The following ADGRB1 variants were observed in gnomAD, a reference collection of about 807,000 sequenced individuals.
ADGRB1 encodes the protein adhesion G protein-coupled receptor B1.
In ADGRB1, 36 loss-of-function variants were observed where a neutral mutation model predicts 175.7. The observed-to-expected ratio is 0.20, with a 90% CI of 0.16 to 0.27. ADGRB1 has a LOEUF of 0.27. Among genes scored for constraint, ADGRB1 ranks in the 10% least tolerant of loss-of-function variants. The pLI, the probability that ADGRB1 is intolerant of heterozygous loss-of-function variation, is 1.00. For missense variants in ADGRB1, 1,731 were observed against 2,255.3 expected (o/e 0.77, Z 4.71); for synonymous variants, 1,054 against 979.4 (o/e 1.08, Z -1.42).
intron 17 of ADGRB1, among the ~76,000 whole-genome samples, chr8:142,499,864 A>G (rs1375908224): frequency 3.9e-5 from 6 of 152,184 alleles, no homozygotes; most frequent in Non-Finnish European, 8.8e-5. Flanking sequence ...AGAGCCAGAC[A>G]GGCCCAGACC....
intron 23 of ADGRB1, among the ~76,000 whole-genome samples, chr8:142,525,728 A>T (rs1486332809): frequency 2.6e-5 from 4 of 152,174 alleles, no homozygotes; most frequent in Admixed American, 6.5e-5. Flanking sequence ...TCAGGGGTCC[A>T]TGGAGTCCTG....
rs760241536 is a variant in ADGRB1, at chr8:142,481,262, C to T, written c.1837C>T (p.Leu613=). Residue 613 remains leucine, a synonymous_variant, in exon 10 of 31, where the codon CTG becomes TTG. Coordinates refer to ENST00000517894, the MANE Select transcript of ADGRB1 (RefSeq NM_001702.3). ...GGGGATGGTCTCCCCAGGACTCATC[C>T]TGCGACGGTGTGAGCTGGACGAGGA... The part of the protein sequence containing the change: ...RCPRNATGLI[L]RRCELDEEGI... The T allele has an allele frequency of 5.0e-6, 8 of 1,613,778 alleles. No homozygotes were observed. The highest frequency in any genetic ancestry group is 6.8e-6 in the Non-Finnish European group (8 of 1,179,852).
intron 1 of ADGRB1, among the ~76,000 whole-genome samples, chr8:142,451,144 C>T (rs1419852202): frequency 6.6e-6 from 1 of 152,120 alleles, no homozygotes; most frequent in African/African-American, 2.4e-5. Flanking sequence ...AGAGCTCCTC[C>T]GGCCTCGGGA....
intron 18 of ADGRB1, among the ~76,000 whole-genome samples, chr8:142,516,029 A>G (rs958378604): frequency 6.6e-6 from 1 of 152,224 alleles, no homozygotes; most frequent in African/African-American, 2.4e-5. Context: ...ACACGAAGAG[A>G]AGGCGACTCT....
intron 27 of ADGRB1, among the ~76,000 whole-genome samples, chr8:142,541,694 G>C (rs1845280898): frequency 6.6e-6 from 1 of 152,192 alleles, no homozygotes; most frequent in East Asian, 1.9e-4. Flanking sequence ...CTTGGGGCCA[G>C]TGGAGAGGGC....
intron 19 of ADGRB1, 82 bp downstream of exon 19, chr8:142,518,323 T>C: frequency 2.1e-6 from 3 of 1,453,240 alleles, no homozygotes; most frequent in Non-Finnish European, 2.9e-6. Flanking sequence ...ACGGGCGGGG[T>C]CGTGGGTGCC....
At chr8:142,529,944 CTG>C (rs1301888927) in intron 24 of ADGRB1, among the ~76,000 whole-genome samples, 2 of 131,950 alleles carry the variant, frequency 1.5e-5, no homozygotes, top group Admixed American at 7.7e-5. Context: ...GAGCGTGCAT[CTG>C]TGTGAGTGCA....
Position 142,493,973 on chromosome 8 carries a change from A to G in ADGRB1, c.2675+3158A>G, listed in dbSNP as rs1188682729. 6.6e-6 allele frequency among the ~76,000 whole-genome samples: 1 copy of G among 152,130 alleles called. No individual in the cohort carries two copies. The highest frequency in any genetic ancestry group is 1.5e-5 in the Non-Finnish European group (1 of 68,014). ...GCAGGGGCCCAGGTCTGTTTCCACC[A>G]GGGCACCAAGGGACCGGGTCCAAGC... On this transcript the variant is annotated intron_variant, in intron 17 of 30. Coordinates refer to ENST00000517894, the MANE Select transcript of ADGRB1 (RefSeq NM_001702.3). This position sits in a 1 kb window ranked among gnomAD's most constrained non-coding sequence, Gnocchi z 5.0.
In ADGRB1 at chr8:142,455,782, G is replaced by A. The variant is rs1203320408; in HGVS notation, c.-220+5678G>A. The stretch of plus-strand genomic sequence containing the variant: ...GATGGTGCTGGCTGGGCACTGGCCT[G>A]GGTGCAAGGCGGGGAAGGAGGCTTC... On this transcript the variant is annotated intron_variant, in intron 1 of 30. Transcript: ENST00000517894. The surrounding 1 kb of genome is among the most constrained non-coding windows in gnomAD (Gnocchi z 4.9). 6.6e-6 allele frequency among the ~76,000 whole-genome samples: 1 copy of A among 152,162 alleles called. No homozygotes were observed. The highest frequency in any genetic ancestry group is 1.5e-5 in the Non-Finnish European group (1 of 68,006).
In ADGRB1 at chr8:142,537,745, C is replaced by A. The variant is rs1004638204; in HGVS notation, c.3666+663C>A. On this transcript the variant is annotated intron_variant, in intron 26 of 30. Coordinates refer to ENST00000517894, the MANE Select transcript of ADGRB1 (RefSeq NM_001702.3). The surrounding 1 kb of genome is among the most constrained non-coding windows in gnomAD (Gnocchi z 4.6). The stretch of plus-strand genomic sequence containing the variant: ...TTTACAGCACAGCGTTCCCACGACA[C>A]GCACAGGTCCTGGGAGGGCGGCCCA... 1.3e-5 allele frequency among the ~76,000 whole-genome samples: 2 copies of A among 152,158 alleles called. No homozygotes were observed. Among genetic ancestry groups the A allele is most frequent in the African/African-American group, 4.8e-5 (2 of 41,424 alleles).
intron 24 of ADGRB1, among the ~76,000 whole-genome samples, chr8:142,527,897 A>G (rs1844309121): frequency 6.6e-6 from 1 of 152,188 alleles, no homozygotes; most frequent in East Asian, 1.9e-4. Context: ...TGGCTGATGG[A>G]GCTGAGCTTC....
intron 23 of ADGRB1, 21 bp from the exon 24 acceptor site, chr8:142,526,521 C>CCCCCCCA: frequency 3.9e-6 from 6 of 1,539,348 alleles, no homozygotes; most frequent in Non-Finnish European, 3.5e-6. Flanking sequence ...CCCCACACCC[C>CCCCCCCA]CACCACTCTC....
At chr8:142,518,926 G>T (rs909200817) in intron 19 of ADGRB1, among the ~76,000 whole-genome samples, 3 of 152,228 alleles carry the variant, frequency 2.0e-5, no homozygotes, top group African/African-American at 4.8e-5. Flanking sequence ...TGCAGGCAGC[G>T]CGATGTCAGC....
intron 17 of ADGRB1, among the ~76,000 whole-genome samples, chr8:142,502,330 T>C (rs1290528602): frequency 1.1e-5 from 1 of 88,026 alleles, no homozygotes; most frequent in African/African-American, 4.6e-5. Context: ...GGGGTAGTGA[T>C]GGTGATGGTG....
Position 142,493,519 on chromosome 8 carries a change from T to A in ADGRB1, c.2675+2704T>A, listed in dbSNP as rs1162388511. On this transcript the variant is annotated intron_variant, in intron 17 of 30. Transcript: ENST00000517894. This position sits in a 1 kb window ranked among gnomAD's most constrained non-coding sequence, Gnocchi z 5.0. Reference sequence around the variant, plus strand: ...CTGGGTGCGCTGAGTGCTAAGGTCTTGGTGCCTGGGTCCAGGACTTCAGGA... The same window carrying A: ...CTGGGTGCGCTGAGTGCTAAGGTCTAGGTGCCTGGGTCCAGGACTTCAGGA... Among the ~76,000 whole-genome samples, 1 of 152,204 alleles carries A rather than the reference T, an allele frequency of 6.6e-6. No individual in the cohort carries two copies. Among genetic ancestry groups the A allele is most frequent in the African/African-American group, 2.4e-5 (1 of 41,460 alleles).
rs756135416 is a variant in ADGRB1, at chr8:142,489,386, C to T, written c.2579C>T (p.Pro860Leu). The T allele has an allele frequency of 6.8e-6, 11 of 1,612,896 alleles. No homozygotes were observed. The highest frequency in any genetic ancestry group is 2.7e-5 in the African/African-American group (2 of 74,920). The change falls in exon 16 of 31, where the codon CCG becomes CTG. Residue 860 changes from proline (P) to leucine (L), a missense_variant. Pro to Leu is a moderately conservative substitution (Grantham distance 98). Transcript: ENST00000517894. ...GTGATCTCCGTGACTGTGAAACCCC[C>T]GCCTCGCTCCCTGCGCACACCCTTG... ...SKVISVTVKP[P>L]PRSLRTPLEI...
chr8:142,465,077 G>A, intron 2 of ADGRB1, 95 bp downstream of exon 2: 1 of 541,642 alleles, frequency 1.8e-6, no homozygotes, highest in Non-Finnish European at 2.7e-6. Flanking sequence ...GAAGTGGGCG[G>A]ACAGAGGAGG....
intron 2 of ADGRB1, among the ~76,000 whole-genome samples, chr8:142,469,622 C>T (rs554783861): frequency 1.7e-3 from 247 of 143,926 alleles, no homozygotes; most frequent in African/African-American, 6.2e-3. Context: ...TGTGTATGCA[C>T]GTGCATGTGT....
chr8:142,533,553 G>A (rs1277651253), intron 25 of ADGRB1, 87 bp downstream of exon 25: 1 of 1,420,824 alleles, frequency 7.0e-7, no homozygotes, highest in African/African-American at 1.4e-5. Flanking sequence ...GACCTCGGCA[G>A]GGAGATTGTG....
Sources: allele counts gnomAD v4.1 joint callset (sites outside exome capture counted in the v4.1 genomes callset), GRCh38; gene constraint gnomAD v4.1.1; non-coding constraint Gnocchi (gnomAD v3.1); transcripts MANE v1.5; gene names NCBI Gene and HGNC (gene_info 2026-07-23, HGNC 2026-07-21).